Variants in GDPD5 observed in about 807,000 individuals in gnomAD.
GDPD5 encodes glycerophosphodiester phosphodiesterase domain containing 5.
In GDPD5, 48 loss-of-function variants were observed where a neutral mutation model predicts 75.1. The observed-to-expected ratio is 0.64, with a 90% CI of 0.51 to 0.81. The LOEUF is 0.81. GDPD5 is among the 40% of genes least tolerant of loss of function. The probability of loss-of-function intolerance (pLI) is 0.00; values close to 1 mark genes in which losing one functional copy is unlikely to be tolerated. For missense variants in GDPD5, 706 were observed against 822.6 expected, an observed-to-expected ratio of 0.86 and a Z score of 1.73; for synonymous variants, 336 against 339.0, an observed-to-expected ratio of 0.99 and a Z score of 0.10.
At chr11:75,498,336 A>G (rs987867078) in intron 1 of GDPD5, among the ~76,000 whole-genome samples, 1 of 152,226 alleles carries the variant, frequency 6.6e-6, no homozygotes, top group Non-Finnish European at 1.5e-5. Context: ...AGTTCCCCCA[A>G]GTGATCCCTG....
intron 5 of GDPD5, 152 bp from the exon 6 acceptor site, chr11:75,456,968 C>CCCCAG (rs1949298657): frequency 1.4e-6 from 1 of 718,634 alleles, no homozygotes; most frequent in Non-Finnish European, 2.5e-6. Flanking sequence ...GCGCTGCCCT[C>CCCCAG]CCCAGCCCAG....
At chr11:75,449,398 G>A (rs1949070375) in intron 8 of GDPD5, 119 bp downstream of exon 8, 2 of 943,506 alleles carry the variant, frequency 2.1e-6, no homozygotes, top group Admixed American at 4.4e-5. Flanking sequence ...CCCTCACTGA[G>A]TGCAGGGGCC....
Position 75,438,898 on chromosome 11 carries a change from G to C in GDPD5, c.1556+981C>G, listed in dbSNP as rs555608555. On this transcript the variant is annotated intron_variant, in intron 15 of 16. Transcript: ENST00000336898. Reference sequence around the variant, plus strand: ...GCAGAGAAAGGTAAACAGGAAGAGTGAACAGTGGGAGAGGCAGAGCCAGGG... The same window carrying C: ...GCAGAGAAAGGTAAACAGGAAGAGTCAACAGTGGGAGAGGCAGAGCCAGGG... 61 of 179,430 alleles carry C rather than the reference G, an allele frequency of 3.4e-4. 1 individual carries two copies. The South Asian group carries it at 7.4e-3, about 22-fold the overall frequency. 11.1% of individuals were successfully genotyped at this position (179,430 alleles called of 1,614,324 possible).
chr11:75,505,557 C>T (rs577472388), intron 1 of GDPD5, among the ~76,000 whole-genome samples: 2 of 152,280 alleles, frequency 1.3e-5, no homozygotes, highest in Admixed American at 1.3e-4. Context: ...AATTCTCACA[C>T]TGGGAATAAT....
intron 1 of GDPD5, among the ~76,000 whole-genome samples, chr11:75,493,758 G>A (rs1014139117): frequency 1.4e-4 from 21 of 152,246 alleles, no homozygotes; most frequent in African/African-American, 4.6e-4. Flanking sequence ...AGACAGCAGC[G>A]AGCACCAGTT....
At chr11:75,497,316 C>T (rs1030941014) in intron 1 of GDPD5, among the ~76,000 whole-genome samples, 1 of 152,128 alleles carries the variant, frequency 6.6e-6, no homozygotes, top group African/African-American at 2.4e-5. Flanking sequence ...TGGCAGGACG[C>T]GTAAGGGGTG....
At chr11:75,468,687 C>CG (rs1346294245) in intron 3 of GDPD5, among the ~76,000 whole-genome samples, 3 of 152,132 alleles carry the variant, frequency 2.0e-5, no homozygotes, top group Non-Finnish European at 2.9e-5. Flanking sequence ...ACGCCCCCCC[C>CG]CCGGGAGGTG....
chr11:75,504,371 A>C (rs933170076), intron 1 of GDPD5, among the ~76,000 whole-genome samples: 4 of 152,158 alleles, frequency 2.6e-5, no homozygotes, highest in Admixed American at 6.5e-5. Context: ...GGCCCATCCA[A>C]CTTCAAAACT....
At chr11:75,510,624 C>T (rs112305765) in intron 1 of GDPD5, among the ~76,000 whole-genome samples, 10 of 152,276 alleles carry the variant, frequency 6.6e-5, no homozygotes, top group African/African-American at 2.2e-4. Context: ...TGGAAGAATG[C>T]CCTTCCCAGC....
At chr11:75,518,593 T>C (rs1282085630) in intron 1 of GDPD5, among the ~76,000 whole-genome samples, 3 of 152,212 alleles carry the variant, frequency 2.0e-5, no homozygotes, top group African/African-American at 7.2e-5. Context: ...ACTGCTGCCC[T>C]TCCCACCTCT....
At chr11:75,447,619 T>A (rs1450274116) in intron 9 of GDPD5, among the ~76,000 whole-genome samples, 1 of 152,234 alleles carries the variant, frequency 6.6e-6, no homozygotes, top group Non-Finnish European at 1.5e-5. Context: ...TTGACCTTTT[T>A]CTACTAAAGA....
At chr11:75,456,642 G>A in intron 6 of GDPD5, 115 bp downstream of exon 6, 1 of 980,074 alleles carries the variant, frequency 1.0e-6, no homozygotes, top group Non-Finnish European at 1.6e-6. Flanking sequence ...CCTTAGCTAT[G>A]AGAACAATTC....
chr11:75,463,171 G>T (rs779063719), intron 3 of GDPD5, among the ~76,000 whole-genome samples: 1 of 152,214 alleles, frequency 6.6e-6, no homozygotes, highest in Non-Finnish European at 1.5e-5. Context: ...TTTCCATCGT[G>T]TACTGCTCTC....
chr11:75,449,808 T>C, intron 7 of GDPD5, 77 bp downstream of exon 7: 1 of 1,496,068 alleles, frequency 6.7e-7, no homozygotes, highest in South Asian at 1.1e-5. Context: ...CTGCCCTTCT[T>C]TGGGCCTTGG....
intron 1 of GDPD5, among the ~76,000 whole-genome samples, chr11:75,502,774 C>A (rs938090145): frequency 6.6e-5 from 10 of 152,190 alleles, no homozygotes; most frequent in Non-Finnish European, 1.3e-4. Context: ...ACCGTGTAGA[C>A]ACTGTGATTG....
At chr11:75,480,882 T>C (rs1949899205) in intron 2 of GDPD5, among the ~76,000 whole-genome samples, 1 of 152,254 alleles carries the variant, frequency 6.6e-6, no homozygotes, top group African/African-American at 2.4e-5. Flanking sequence ...ATAAATAACA[T>C]TTCATTGGAC....
chr11:75,466,794 C>T (rs113460707), intron 3 of GDPD5, among the ~76,000 whole-genome samples: 1,981 of 152,206 alleles, frequency 0.013, 14 homozygotes, highest in Middle Eastern at 0.041. Context: ...GTGCTTTTTG[C>T]TAATTTGCAT....
chr11:75,464,838 T>C (rs1163533106), intron 3 of GDPD5, among the ~76,000 whole-genome samples: 1 of 152,032 alleles, frequency 6.6e-6, no homozygotes, highest in African/African-American at 2.4e-5. Flanking sequence ...GCAGGACATG[T>C]GCCCTTCTAG....
At chr11:75,506,826 C>A (rs971595366) in intron 1 of GDPD5, 19 of 152,146 alleles carry the variant, frequency 1.2e-4, no homozygotes, top group Admixed American at 9.2e-4. Context: ...GATTTGGGAA[C>A]TGAAAGAGTC....
Sources: gnomAD v4.1 joint callset for allele counts (sites outside exome capture counted in the v4.1 genomes callset) on GRCh38, gnomAD v4.1.1 for gene constraint, MANE v1.5 for transcripts, NCBI Gene and HGNC (gene_info 2026-07-23, HGNC 2026-07-21) for gene names.